The following KIAA1614 variants were observed in gnomAD, a reference collection of about 807,000 sequenced individuals.
KIAA1614 encodes the protein KIAA1614.
Under a neutral mutation model 88.7 loss-of-function variants are expected in KIAA1614, and 76 were observed. The ratio of observed to expected loss-of-function variants is 0.86; its 90% confidence interval spans 0.71 to 1.04. The LOEUF is 1.04. KIAA1614 is among the 50% of genes least tolerant of loss of function. The pLI is 0.00. For missense variants in KIAA1614, 1,553 were observed against 1,582.5 expected, an observed-to-expected ratio of 0.98 and a Z score of 0.32; for synonymous variants, 714 against 675.5, an observed-to-expected ratio of 1.06 and a Z score of -0.88.
intron 8 of KIAA1614, 104 bp from the exon 9 acceptor site, chr1:180,945,199 C>A: frequency 7.6e-7 from 1 of 1,315,664 alleles, no homozygotes; most frequent in Non-Finnish European, 1.0e-6. Flanking sequence ...CCTCCAATGC[C>A]AGGCTCTTAA....
rs3747960 is a variant in KIAA1614 at position 180,951,398 on chromosome 1, G to A, written c.*5810G>A. The A allele has an allele frequency of 0.17, 25,454 of 152,134 alleles. 2,273 individuals carry two copies. The highest frequency in any genetic ancestry group is 0.33 in the South Asian group (1,595 of 4,812). 9.4% of individuals were successfully genotyped at this position (152,134 alleles called of 1,614,324 possible). ...CTGTCCAGCTTGGAGACAGGGCTGC[G>A]GCAGGTGCCTGGCCATCACAGCTGC... On this transcript the variant is annotated 3_prime_UTR_variant, in exon 9 of 9. Transcript: ENST00000367588.
At chr1:180,925,736 G>A (rs955093736) in intron 3 of KIAA1614, among the ~76,000 whole-genome samples, 2 of 152,208 alleles carry the variant, frequency 1.3e-5, no homozygotes, top group Non-Finnish European at 2.9e-5. Context: ...TGAACCAGTC[G>A]AGGACACAGG....
intron 4 of KIAA1614, among the ~76,000 whole-genome samples, chr1:180,929,846 C>T (rs566853902): frequency 6.6e-6 from 1 of 152,250 alleles, no homozygotes; most frequent in Admixed American, 6.5e-5. Flanking sequence ...CTGTTTGAAT[C>T]ACCACGTGGC....
rs10522338 is a variant in KIAA1614, at chr1:180,924,886, A to AAATAAT, written c.1062-3526_1062-3521dup. Among the ~76,000 whole-genome samples, 508 of 142,630 alleles carry AAATAAT rather than the reference A, an allele frequency of 3.6e-3. 5 individuals are homozygous for AAATAAT. The highest frequency in any genetic ancestry group is 0.011 in the African/African-American group (451 of 39,470). 93.6% of individuals were successfully genotyped at this position (142,630 alleles called of 152,430 possible). A position where few individuals can be genotyped will look rare whatever the true frequency, so the allele number is the denominator to read the frequency against. ...TAACAAAACAATGGTGCTAATGATA[A>AAATAAT]AATAATAATAATAATAATAATAAAT... On this transcript the variant is annotated intron_variant, in intron 3 of 8. Coordinates refer to ENST00000367588, the MANE Select transcript of KIAA1614 (RefSeq NM_020950.2).
intron 4 of KIAA1614, among the ~76,000 whole-genome samples, chr1:180,931,487 T>G (rs1342644835): frequency 6.6e-6 from 1 of 152,222 alleles, no homozygotes; most frequent in Non-Finnish European, 1.5e-5. Flanking sequence ...CCTTGAGAAC[T>G]TGGCAGGTGT....
chr1:180,949,688 G>C lies in KIAA1614; in HGVS notation c.*4100G>C, dbSNP rs1178868742. ...CAGAAGAGGAGAGGGAGCCACCGCAGCTTTGAAATATGTGGCTAGAATTTT... is the reference window on the plus strand; with the variant it reads ...CAGAAGAGGAGAGGGAGCCACCGCACCTTTGAAATATGTGGCTAGAATTTT... On this transcript the variant is annotated 3_prime_UTR_variant, in exon 9 of 9. Coordinates refer to ENST00000367588, the MANE Select transcript of KIAA1614 (RefSeq NM_020950.2). The C allele has an allele frequency of 2.0e-5, 3 of 152,370 alleles. No homozygotes were observed. The highest frequency in any genetic ancestry group is 4.4e-5 in the Non-Finnish European group (3 of 68,102). The allele number at this position is 152,370 out of a possible 1,614,324, so 9.4% of individuals were successfully genotyped here.
In KIAA1614 at chr1:180,945,697, A is replaced by G; in HGVS notation, c.*109A>G. ...GCTCTCTAGGAGTCTGCACCTGCAG[A>G]GCCTTTGCCCTAGGCAACTGCAGCT... On this transcript the variant is annotated 3_prime_UTR_variant, in exon 9 of 9. Coordinates refer to ENST00000367588, the MANE Select transcript of KIAA1614 (RefSeq NM_020950.2). 7.0e-7 allele frequency: 1 copy of G among 1,421,916 alleles called. No homozygotes were observed. 88.1% of individuals were successfully genotyped at this position (1,421,916 alleles called of 1,614,324 possible).
At chr1:180,929,012 G>A (rs532792649) in intron 4 of KIAA1614, among the ~76,000 whole-genome samples, 1 of 152,350 alleles carries the variant, frequency 6.6e-6, no homozygotes, top group Non-Finnish European at 1.5e-5. Flanking sequence ...AGCAGTGCAA[G>A]ATAGGCACTG....
chr1:180,941,391 A>G (rs969623796), intron 7 of KIAA1614, 106 bp downstream of exon 7: 124 of 1,358,840 alleles, frequency 9.1e-5, no homozygotes, highest in Non-Finnish European at 1.1e-4. Context: ...CCTCCCAAGG[A>G]GCCCACAGTA....
At position 180,936,056 on chromosome 1, in the gene KIAA1614, G is replaced by A. The variant is rs371122535; in HGVS notation, c.2147G>A (p.Arg716Gln). The A allele has an allele frequency of 1.9e-5, 30 of 1,614,174 alleles. No homozygotes were observed. Among genetic ancestry groups the A allele is most frequent in the African/African-American group, 1.7e-4 (13 of 75,038 alleles). The change falls in exon 5 of 9, where the codon CGG becomes CAG. Residue 716 changes from arginine (R) to glutamine (Q), a missense_variant. Arg to Gln is a conservative substitution (Grantham distance 43, BLOSUM62 1). Coordinates refer to ENST00000367588, the MANE Select transcript of KIAA1614 (RefSeq NM_020950.2). ...DAKPPDLELK[R>Q]VSLGPQWQPG... ...AAGCCTCCTGACCTGGAGTTGAAGC[G>A]GGTGTCCCTGGGACCCCAGTGGCAG...
chr1:180,918,297 A>T (rs1373236000), intron 3 of KIAA1614, among the ~76,000 whole-genome samples: 1 of 152,182 alleles, frequency 6.6e-6, no homozygotes, highest in African/African-American at 2.4e-5. Flanking sequence ...TGTGAAAATC[A>T]CTGGGGAAAA....
intron 2 of KIAA1614, 32 bp downstream of exon 2, chr1:180,917,132 G>A: frequency 6.4e-7 from 1 of 1,567,460 alleles, no homozygotes; most frequent in Non-Finnish European, 8.7e-7. Context: ...CAGGTGGTGG[G>A]GGGAGCAGGA....
rs1558070616 is a variant in KIAA1614, at chr1:180,936,234, T to G, written c.2325T>G (p.Ile775Met). 3.1e-6 allele frequency: 5 copies of G among 1,614,146 alleles called. No homozygotes were observed. The highest frequency in any genetic ancestry group is 4.2e-6 in the Non-Finnish European group (5 of 1,180,022). ...QVTESHESLEIVSPSSLQQSH... is the reference protein window; with the variant it reads ...QVTESHESLEMVSPSSLQQSH... ...CAGAAAGCCACGAGTCCCTGGAAAT[T>G]GTCTCTCCTTCCTCCCTGCAACAGA... Residue 775 changes from isoleucine (I) to methionine (M), a missense_variant, in exon 5 of 9, where the codon ATT becomes ATG. Physicochemically the swap from Ile to Met is conservative, Grantham distance 10. Coordinates refer to ENST00000367588, the MANE Select transcript of KIAA1614 (RefSeq NM_020950.2).
rs201999726 is a variant in KIAA1614 at position 180,943,548 on chromosome 1, A to ATTTTTTTTTTTTTTTTTTTTTTTTTTTTT, written c.3160-840_3160-839insTTTTTTTTTTTTTTTTTTTTTTTTTTTTT. 8.7e-4 allele frequency among the ~76,000 whole-genome samples: 65 copies of ATTTTTTTTTTTTTTTTTTTTTTTTTTTTT among 74,642 alleles called. 9 individuals are homozygous for ATTTTTTTTTTTTTTTTTTTTTTTTTTTTT. Among genetic ancestry groups the ATTTTTTTTTTTTTTTTTTTTTTTTTTTTT allele is most frequent in the South Asian group, 2.8e-3 (5 of 1,798 alleles). The allele number at this position is 74,642 out of a possible 152,430, so 49.0% of individuals were successfully genotyped here. A position where few individuals can be genotyped will look rare whatever the true frequency, so the allele number is the denominator to read the frequency against. The stretch of plus-strand genomic sequence containing the variant: ...GGATTGTAGGATTGAATGGTAGTAG[A>ATTTTTTTTTTTTTTTTTTTTTTTTTTTTT]TCTTTTTTTTTTTTTTTTGAGACAG... On this transcript the variant is annotated intron_variant, in intron 7 of 8. Coordinates refer to ENST00000367588, the MANE Select transcript of KIAA1614 (RefSeq NM_020950.2).
At chr1:180,923,110 C>T (rs947942335) in intron 3 of KIAA1614, among the ~76,000 whole-genome samples, 13 of 152,262 alleles carry the variant, frequency 8.5e-5, no homozygotes, top group African/African-American at 2.9e-4. Context: ...GGGCACCACC[C>T]CCCAGAAACC....
intron 2 of KIAA1614, 144 bp downstream of exon 2, chr1:180,917,244 G>T: frequency 1.5e-6 from 1 of 668,496 alleles, no homozygotes; most frequent in Non-Finnish European, 2.5e-6. Flanking sequence ...AAATCATCAG[G>T]ATGGCCTCTT....
rs747235860 is a variant in KIAA1614 at position 180,935,147 on chromosome 1, G to T, written c.1238G>T (p.Arg413Met). The T allele has an allele frequency of 1.0e-5, 15 of 1,452,260 alleles. No homozygotes were observed. The highest frequency in any genetic ancestry group is 1.1e-5 in the Non-Finnish European group (12 of 1,102,618). 90.0% of individuals were successfully genotyped at this position (1,452,260 alleles called of 1,614,324 possible). Residue 413 changes from arginine to methionine, a missense_variant, in exon 5 of 9, where the codon AGG becomes ATG. Arg to Met is a moderately conservative substitution (Grantham distance 91, BLOSUM62 -1). Coordinates refer to ENST00000367588, the MANE Select transcript of KIAA1614 (RefSeq NM_020950.2). This position sits in a 1 kb window ranked among gnomAD's most constrained non-coding sequence, Gnocchi z 6.1. Reference protein sequence around the residue: ...DGHRSPARDPRTTPACRDSLQ... With the variant: ...DGHRSPARDPMTTPACRDSLQ... ...CACAGAAGCCCAGCCCGGGACCCCA[G>T]GACGACCCCTGCCTGCAGAGACAGC...
chr1:180,945,106 G>T (rs1009642250), intron 8 of KIAA1614, 197 bp from the exon 9 acceptor site: 1 of 561,440 alleles, frequency 1.8e-6, no homozygotes, highest in Non-Finnish European at 3.0e-6. Flanking sequence ...AGCAGGCCTT[G>T]GGGGGCCTTG....
At chr1:180,931,209 T>C (rs1002796834) in intron 4 of KIAA1614, among the ~76,000 whole-genome samples, 1 of 152,150 alleles carries the variant, frequency 6.6e-6, no homozygotes, top group Non-Finnish European at 1.5e-5. Context: ...CATGCCTAGA[T>C]TGGTGTTACT....
Sources: gnomAD v4.1 joint callset for allele counts (sites outside exome capture counted in the v4.1 genomes callset) on GRCh38, gnomAD v4.1.1 for gene constraint, Gnocchi (gnomAD v3.1) non-coding constraint, MANE v1.5 for transcripts, NCBI Gene and HGNC (gene_info 2026-07-23, HGNC 2026-07-21) for gene names.